DCBLD2: variants seen among roughly 807,000 people sequenced by gnomAD.
DCBLD2 encodes discoidin, CUB and LCCL domain-containing protein 2.
Under a neutral mutation model 86.8 loss-of-function variants are expected in DCBLD2, and 54 were observed. The observed-to-expected ratio is 0.62, with a 90% CI of 0.50 to 0.78. The LOEUF (loss-of-function observed/expected upper bound fraction) is 0.78, where lower values mean the gene tolerates loss of function less well. DCBLD2 is among the 30% of genes least tolerant of loss of function. DCBLD2 has a pLI of 0.00. For synonymous variants in DCBLD2, 354 were observed against 341.3 expected, an observed-to-expected ratio of 1.04 and a Z score of -0.41; for missense variants, 908 against 954.2, an observed-to-expected ratio of 0.95 and a Z score of 0.64.
chr3:98,888,163 A>C (rs1007299402), intron 1 of DCBLD2, among the ~76,000 whole-genome samples: 25 of 151,998 alleles, frequency 1.6e-4, no homozygotes, highest in African/African-American at 6.0e-4. Context: ...TTGATAGCTC[A>C]TTTATTTAAT....
intron 3 of DCBLD2, among the ~76,000 whole-genome samples, chr3:98,835,452 G>A (rs1210986347): frequency 9.7e-4 from 123 of 126,680 alleles, no homozygotes; most frequent in African/African-American, 3.8e-3. Flanking sequence ...CTATTTTCTT[G>A]CCATTTAATT....
chr3:98,890,822 T>C (rs937226472), intron 1 of DCBLD2, among the ~76,000 whole-genome samples: 4 of 152,062 alleles, frequency 2.6e-5, no homozygotes, highest in South Asian at 4.1e-4. Flanking sequence ...CTTTCCCCAC[T>C]CTGTATTCTA....
rs1168573650 is a variant in DCBLD2, at chr3:98,796,003, T to G, written c.*3369A>C. 1 of 152,628 alleles carries G rather than the reference T, an allele frequency of 6.6e-6. No individual in the cohort carries two copies. The highest frequency in any genetic ancestry group is 1.5e-5 in the Non-Finnish European group (1 of 68,024). The allele number at this position is 152,628 out of a possible 1,614,324, so 9.5% of individuals were successfully genotyped here. On this transcript the variant is annotated 3_prime_UTR_variant, in exon 16 of 16. Coordinates refer to ENST00000326840, the MANE Select transcript of DCBLD2 (RefSeq NM_080927.4). ...AAGGAAAAGCTACAAACCTCAAGGTTGTTTTATTTAAACCAAATAATCTGA... is the reference window on the plus strand; with the variant it reads ...AAGGAAAAGCTACAAACCTCAAGGTGGTTTTATTTAAACCAAATAATCTGA...
intron 3 of DCBLD2, 149 bp downstream of exon 3, chr3:98,849,312 C>G (rs747537666): frequency 1.0e-6 from 1 of 969,024 alleles, no homozygotes; most frequent in Non-Finnish European, 1.5e-6. Context: ...ACTGAACTCA[C>G]CTTATTTGTC....
chr3:98,894,956 G>A (rs1055979541), intron 1 of DCBLD2, among the ~76,000 whole-genome samples: 8 of 152,000 alleles, frequency 5.3e-5, no homozygotes, highest in Admixed American at 3.9e-4. Context: ...GGGACTGTTC[G>A]AGAACTCTTC....
rs1413693144 is a variant in DCBLD2, at chr3:98,826,290, G to A, written c.572-924C>T. 2.6e-5 allele frequency among the ~76,000 whole-genome samples: 4 copies of A among 152,210 alleles called. 1 individual carries two copies. The highest frequency in any genetic ancestry group is 4.1e-4 in the South Asian group (2 of 4,830). On this transcript the variant is annotated intron_variant, in intron 3 of 15. Transcript: ENST00000326840. ...AGTGCTGGCCTTGTCTTACTCTGCAGTCTTGTGTGTACCTGCCTTGGCTTC... is the reference window on the plus strand; with the variant it reads ...AGTGCTGGCCTTGTCTTACTCTGCAATCTTGTGTGTACCTGCCTTGGCTTC...
At chr3:98,825,844 C>CT (rs1036694694) in intron 3 of DCBLD2, among the ~76,000 whole-genome samples, 1 of 151,824 alleles carries the variant, frequency 6.6e-6, no homozygotes, top group Non-Finnish European at 1.5e-5. Context: ...TTTTATGGCT[C>CT]TAACTATTAA....
intron 3 of DCBLD2, among the ~76,000 whole-genome samples, chr3:98,838,232 G>A (rs1942520672): frequency 9.5e-6 from 1 of 105,102 alleles, no homozygotes; most frequent in East Asian, 3.5e-4. Flanking sequence ...CGGGCGGAGA[G>A]GCTCCTCACT....
At chr3:98,899,120 C>A (rs555981564) in intron 1 of DCBLD2, among the ~76,000 whole-genome samples, 2 of 151,438 alleles carry the variant, frequency 1.3e-5, no homozygotes, top group South Asian at 4.2e-4. Flanking sequence ...AGAATCATTT[C>A]TATTTATGTT....
chr3:98,900,560 G>A (rs914920921), intron 1 of DCBLD2, among the ~76,000 whole-genome samples: 20 of 152,032 alleles, frequency 1.3e-4, no homozygotes, highest in African/African-American at 4.8e-4. Context: ...GCATAGCGTT[G>A]GGTCAGACCC....
chr3:98,851,738 G>T (rs565695924), intron 2 of DCBLD2, among the ~76,000 whole-genome samples: 185 of 152,326 alleles, frequency 1.2e-3, no homozygotes, highest in Admixed American at 2.2e-3. Flanking sequence ...CAGGTATGTA[G>T]ACCAATGGAA....
intron 3 of DCBLD2, among the ~76,000 whole-genome samples, chr3:98,848,287 C>T (rs1422375994): frequency 6.6e-6 from 1 of 152,152 alleles, no homozygotes; most frequent in African/African-American, 2.4e-5. Context: ...CATCCATGTC[C>T]CTGCAAAGAA....
chr3:98,812,650 A>T (rs1243459076), intron 9 of DCBLD2, 168 bp from the exon 10 acceptor site: 1 of 520,768 alleles, frequency 1.9e-6, no homozygotes, highest in Non-Finnish European at 3.2e-6. Context: ...GAAAAATATT[A>T]AGATGCTGCA....
At position 98,799,429 on chromosome 3, in the gene DCBLD2, TTGTGTGCTC is replaced by T; in HGVS notation, c.2262_2270del (p.Ser755_Gln757del). On this transcript the variant is annotated inframe_deletion, in exon 16 of 16. Coordinates refer to ENST00000326840, the MANE Select transcript of DCBLD2 (RefSeq NM_080927.4). ...CATCCCTTCCTGCTCCTGATACTTC[TTGTGTGCTC>T]TGTGGCACCTGGTACACCAATTCGT... The T allele has an allele frequency of 6.2e-7, 1 of 1,614,050 alleles. No homozygotes were observed. Among genetic ancestry groups the T allele is most frequent in the Non-Finnish European group, 8.5e-7 (1 of 1,179,892 alleles).
At chr3:98,814,685 A>G (rs1170743940) in intron 9 of DCBLD2, 2 of 152,224 alleles carry the variant, frequency 1.3e-5, no homozygotes, top group Admixed American at 6.5e-5. Flanking sequence ...GCAGGCTCAG[A>G]AAAGGGGTAA....
At chr3:98,822,508 A>G (rs1942141401) in intron 5 of DCBLD2, 147 bp from the exon 6 acceptor site, 1 of 1,289,074 alleles carries the variant, frequency 7.8e-7, no homozygotes, top group Non-Finnish European at 1.0e-6. Context: ...ACTGTAACAC[A>G]ACAGTTTTAG....
At chr3:98,819,451 G>A (rs1457759150) in intron 7 of DCBLD2, 34 bp from the exon 8 acceptor site, 1 of 1,611,366 alleles carries the variant, frequency 6.2e-7, no homozygotes, top group Non-Finnish European at 8.5e-7. Context: ...TTGGTTTCCA[G>A]GTATAATTTC....
At chr3:98,881,289 A>G (rs2107522170) in intron 2 of DCBLD2, among the ~76,000 whole-genome samples, 1 of 151,804 alleles carries the variant, frequency 6.6e-6, no homozygotes, top group East Asian at 1.9e-4. Flanking sequence ...ACAGAGAATT[A>G]ACTTCCTCCT....
chr3:98,885,093 A>G (rs2107525526), intron 1 of DCBLD2, among the ~76,000 whole-genome samples: 1 of 152,264 alleles, frequency 6.6e-6, no homozygotes, highest in South Asian at 2.1e-4. Flanking sequence ...GCTGATGAAG[A>G]AAATAATTAC....
Sources: allele counts gnomAD v4.1 joint callset (sites outside exome capture counted in the v4.1 genomes callset), GRCh38; gene constraint gnomAD v4.1.1; transcripts MANE v1.5; gene names NCBI Gene and HGNC (gene_info 2026-07-23, HGNC 2026-07-21).